The following SOS1 variants were observed in gnomAD, a reference collection of about 807,000 sequenced individuals.
SOS1 encodes SOS Ras/Rac guanine nucleotide exchange factor 1.
In SOS1, 25 loss-of-function variants were observed where a neutral mutation model predicts 157.6. That is an observed-to-expected ratio of 0.16 (90% CI 0.12 to 0.22). The LOEUF is 0.22. Among genes scored for constraint, SOS1 ranks in the 10% least tolerant of loss-of-function variants. The pLI, the probability that SOS1 is intolerant of heterozygous loss-of-function variation, is 1.00. For missense variants in SOS1, 1,237 were observed against 1,599.1 expected, an observed-to-expected ratio of 0.77 and a Z score of 3.86; for synonymous variants, 528 against 534.0, an observed-to-expected ratio of 0.99 and a Z score of 0.16.
intron 17 of SOS1, among the ~76,000 whole-genome samples, chr2:39,003,378 A>G (rs1040870856): frequency 6.6e-6 from 1 of 152,190 alleles, no homozygotes; most frequent in African/African-American, 2.4e-5. Context: ...TAGTAAAATT[A>G]TACTTTATCC....
At chr2:39,025,088 G>A (rs1163715003) in intron 8 of SOS1, among the ~76,000 whole-genome samples, 1 of 152,152 alleles carries the variant, frequency 6.6e-6, no homozygotes, top group African/African-American at 2.4e-5. Context: ...ACCTGTTCCT[G>A]GTTACCAAAA....
At chr2:39,059,880 T>G (rs1051069441) in intron 2 of SOS1, among the ~76,000 whole-genome samples, 1 of 152,108 alleles carries the variant, frequency 6.6e-6, no homozygotes, top group Non-Finnish European at 1.5e-5. Context: ...TTCTAATTAA[T>G]GGAATTAGAA....
chr2:39,106,301 A>T (rs573511179), intron 1 of SOS1, among the ~76,000 whole-genome samples: 26 of 152,172 alleles, frequency 1.7e-4, no homozygotes, highest in African/African-American at 6.3e-4. Flanking sequence ...CTTAAATAAC[A>T]TCTGAGTGGC....
At chr2:39,056,635 G>T (rs1671223590) in intron 4 of SOS1, 67 bp downstream of exon 4, 2 of 962,092 alleles carry the variant, frequency 2.1e-6, no homozygotes, top group Non-Finnish European at 3.4e-6. Flanking sequence ...TATATGAATA[G>T]TACGTTAGCA....
chr2:39,036,376 G>T (rs1348901743), intron 6 of SOS1, among the ~76,000 whole-genome samples: 1 of 151,952 alleles, frequency 6.6e-6, no homozygotes, highest in Non-Finnish European at 1.5e-5. Context: ...ACAGGATCTT[G>T]GTCTTACTCT....
At position 39,120,825 on chromosome 2, in the gene SOS1, G is replaced by C. The variant is rs1201201570; in HGVS notation, c.-403C>G. Among the ~76,000 whole-genome samples the C allele has an allele frequency of 1.3e-5, 2 of 150,934 alleles. No individual in the cohort carries two copies. The highest frequency in any genetic ancestry group is 2.4e-5 in the African/African-American group (1 of 41,230). The stretch of plus-strand genomic sequence containing the variant: ...GCTGGCGGCTGGGGGAGGACGTGTG[G>C]AGGGACGCTCCGGCCGCGGCGCCCG... On this transcript the variant is annotated 5_prime_UTR_variant, in exon 1 of 23. Transcript: ENST00000402219.
chr2:39,062,805 G>A (rs1306623019), intron 2 of SOS1, among the ~76,000 whole-genome samples: 1 of 151,662 alleles, frequency 6.6e-6, no homozygotes, highest in Admixed American at 6.6e-5. Context: ...TCAAACACAG[G>A]AAAAAAATAT....
chr2:39,024,425 G>A (rs951403810), intron 8 of SOS1, among the ~76,000 whole-genome samples: 1 of 151,736 alleles, frequency 6.6e-6, no homozygotes, highest in African/African-American at 2.4e-5. Flanking sequence ...GAAATGGGGA[G>A]CATAATCGAT....
At chr2:39,097,145 G>A (rs927722983) in intron 1 of SOS1, among the ~76,000 whole-genome samples, 8 of 151,910 alleles carry the variant, frequency 5.3e-5, no homozygotes, top group African/African-American at 1.9e-4. Flanking sequence ...ACAAGCCTAC[G>A]GAAAAAAGTA....
At chr2:38,998,312 C>T (rs1476733573) in intron 17 of SOS1, among the ~76,000 whole-genome samples, 1 of 151,976 alleles carries the variant, frequency 6.6e-6, no homozygotes, top group African/African-American at 2.4e-5. Flanking sequence ...TGCAATGGCA[C>T]GATCTTGGCT....
In SOS1 at chr2:38,989,317, G is replaced by A. The variant is rs779326746; in HGVS notation, c.3347-3C>T. 39 of 1,599,248 alleles carry A rather than the reference G, an allele frequency of 2.4e-5. No individual in the cohort carries two copies. The highest frequency in any genetic ancestry group is 1.7e-4 in the Middle Eastern group (1 of 6,050). ...TTGGATAAAGACGGTATCATTGCCTGTGAAAGGAAACAAGAAAAAGTAGAT... is the reference window on the plus strand; with the variant it reads ...TTGGATAAAGACGGTATCATTGCCTATGAAAGGAAACAAGAAAAAGTAGAT... On this transcript the variant is annotated splice_polypyrimidine_tract_variant and splice_region_variant and intron_variant, in intron 20 of 22. Transcript: ENST00000402219.
intron 1 of SOS1, among the ~76,000 whole-genome samples, chr2:39,096,868 AG>A (rs2148197523): frequency 1.3e-5 from 2 of 152,120 alleles, no homozygotes; most frequent in South Asian, 4.2e-4. Context: ...CCTGGGCAAC[AG>A]AGCGAGACTC....
In SOS1 at chr2:39,015,775, T is replaced by G. The variant is rs192987479; in HGVS notation, c.1859-929A>C. On this transcript the variant is annotated intron_variant, in intron 10 of 22. Coordinates refer to ENST00000402219, the MANE Select transcript of SOS1 (RefSeq NM_005633.4). The stretch of plus-strand genomic sequence containing the variant: ...TCACTCACTTCTATAACTCAAATTT[T>G]ATCAAGGCCCACATTTAATTGTAAA... Among the ~76,000 whole-genome samples, 888 of 151,342 alleles carry G rather than the reference T, an allele frequency of 5.9e-3. 9 individuals carry two copies. The highest frequency in any genetic ancestry group is 0.021 in the African/African-American group (850 of 41,134).
intron 1 of SOS1, among the ~76,000 whole-genome samples, chr2:39,091,271 A>G (rs1672586061): frequency 6.6e-6 from 1 of 152,076 alleles, no homozygotes; most frequent in Non-Finnish European, 1.5e-5. Context: ...TATTTGCTGG[A>G]TTTTTACCTC....
intron 6 of SOS1, among the ~76,000 whole-genome samples, chr2:39,035,735 CAT>C (rs1463566296): frequency 1.3e-5 from 2 of 152,154 alleles, no homozygotes; most frequent in Non-Finnish European, 2.9e-5. Flanking sequence ...TAACAGCTCT[CAT>C]TAAAGGTTTC....
chr2:39,053,585 T>A (rs1357703717), intron 5 of SOS1, among the ~76,000 whole-genome samples: 1 of 152,218 alleles, frequency 6.6e-6, no homozygotes, highest in African/African-American at 2.4e-5. Context: ...TAATTTTCAC[T>A]CATCGCCATA....
intron 8 of SOS1, among the ~76,000 whole-genome samples, chr2:39,030,520 T>G (rs1035897599): frequency 1.3e-5 from 2 of 152,116 alleles, no homozygotes; most frequent in African/African-American, 4.8e-5. Context: ...TAGCAAGCTA[T>G]GATCATACCA....
intron 6 of SOS1, among the ~76,000 whole-genome samples, chr2:39,040,239 G>T (rs182667781): frequency 6.6e-6 from 1 of 151,810 alleles, no homozygotes; most frequent in Admixed American, 6.6e-5. Flanking sequence ...GGATGGTCTC[G>T]ATCTCCTGAC....
chr2:39,093,791 G>A (rs938921421), intron 1 of SOS1, among the ~76,000 whole-genome samples: 1 of 152,324 alleles, frequency 6.6e-6, no homozygotes, highest in East Asian at 1.9e-4. Flanking sequence ...AAGCCAAATG[G>A]AAGGCCTTTC....
Sources: gnomAD v4.1 joint callset for allele counts (sites outside exome capture counted in the v4.1 genomes callset) on GRCh38, gnomAD v4.1.1 for gene constraint, MANE v1.5 for transcripts, NCBI Gene and HGNC (gene_info 2026-07-23, HGNC 2026-07-21) for gene names.